EML1: variants seen among roughly 807,000 people sequenced by gnomAD.
The protein encoded by EML1 is echinoderm microtubule-associated protein-like 1.
A neutral mutation model predicts 110.4 loss-of-function variants in EML1; 27 were observed. That is an observed-to-expected ratio of 0.24 (90% CI 0.18 to 0.34). The LOEUF (loss-of-function observed/expected upper bound fraction) is 0.34. EML1 is among the 10% of genes least tolerant of loss of function. The pLI is 1.00. For missense variants in EML1, 741 were observed against 1,030.9 expected (o/e 0.72, Z 3.85); for synonymous variants, 344 against 385.8 (o/e 0.89, Z 1.27).
chr14:99,833,916 C>T (rs2058499248), intron 1 of EML1, among the ~76,000 whole-genome samples: 1 of 152,130 alleles, frequency 6.6e-6, no homozygotes, highest in South Asian at 2.1e-4. Context: ...AGTTGGACAG[C>T]CATGTCATTT....
At chr14:99,759,390 C>G (rs1043286027) in intron 1 of EML1, among the ~76,000 whole-genome samples, 2 of 152,242 alleles carry the variant, frequency 1.3e-5, no homozygotes, top group Non-Finnish European at 2.9e-5. Flanking sequence ...TCTTGTCCAG[C>G]TGCACTCACC....
chr14:99,862,888 C>T (rs1268573346), intron 2 of EML1, among the ~76,000 whole-genome samples: 1 of 152,166 alleles, frequency 6.6e-6, no homozygotes, highest in Non-Finnish European at 1.5e-5. Flanking sequence ...GCTTTAGGCC[C>T]TGTCAGCAGA....
chr14:99,912,932 T>G (rs940688170), intron 13 of EML1, among the ~76,000 whole-genome samples: 4 of 152,234 alleles, frequency 2.6e-5, no homozygotes, highest in South Asian at 2.1e-4. Context: ...GGAGGCTGCT[T>G]CTTTCCTGGA....
At chr14:99,923,791 ATCAGC>A (rs2060181569) in intron 17 of EML1, among the ~76,000 whole-genome samples, 1 of 152,128 alleles carries the variant, frequency 6.6e-6, no homozygotes, top group African/African-American at 2.4e-5. Flanking sequence ...AAATTTTAGG[ATCAGC>A]TTGTCTTTTT....
intron 15 of EML1, among the ~76,000 whole-genome samples, chr14:99,915,760 C>T (rs2060024230): frequency 6.6e-6 from 1 of 152,198 alleles, no homozygotes; most frequent in Non-Finnish European, 1.5e-5. Context: ...TGCAGCGAAT[C>T]GGAAGCTCAT....
chr14:99,815,244 C>A (rs540825371), intron 1 of EML1, among the ~76,000 whole-genome samples: 1 of 149,582 alleles, frequency 6.7e-6, no homozygotes, highest in East Asian at 2.0e-4. Context: ...CGGGTTCACA[C>A]TTTTCTCCTG....
At chr14:99,797,859 A>G (rs2057803526) in intron 1 of EML1, among the ~76,000 whole-genome samples, 1 of 152,230 alleles carries the variant, frequency 6.6e-6, no homozygotes, top group South Asian at 2.1e-4. Flanking sequence ...GCAGATAGAT[A>G]CAGAGCTGGC....
intron 17 of EML1, among the ~76,000 whole-genome samples, chr14:99,922,927 G>A (rs995548238): frequency 1.3e-5 from 2 of 152,042 alleles, no homozygotes; most frequent in African/African-American, 2.4e-5. Flanking sequence ...TTTTCTGAAT[G>A]TATGGCTTAT....
At chr14:99,876,146 GGGAA>G in intron 3 of EML1, among the ~76,000 whole-genome samples, 1 of 150,806 alleles carries the variant, frequency 6.6e-6, no homozygotes, top group South Asian at 2.1e-4. Flanking sequence ...AGACAGAGAG[GGGAA>G]GGAAGGAAGA....
intron 1 of EML1, among the ~76,000 whole-genome samples, chr14:99,831,750 A>G (rs1186635370): frequency 6.6e-6 from 1 of 152,060 alleles, no homozygotes; most frequent in Non-Finnish European, 1.5e-5. Flanking sequence ...GCCTCATTCC[A>G]TGAAGGATTT....
intron 1 of EML1, among the ~76,000 whole-genome samples, chr14:99,811,120 G>A (rs1010745600): frequency 8.1e-5 from 12 of 148,380 alleles, no homozygotes; most frequent in African/African-American, 2.9e-4. Flanking sequence ...GCAGGGGTTA[G>A]GGGGTGCTGA....
intron 1 of EML1, among the ~76,000 whole-genome samples, chr14:99,787,471 G>T (rs1329520145): frequency 6.6e-6 from 1 of 151,806 alleles, no homozygotes; most frequent in Admixed American, 6.6e-5. Context: ...TAGAGATGAG[G>T]TTTCACCATG....
chr14:99,857,354 TATC>T (rs2058921182), intron 2 of EML1, among the ~76,000 whole-genome samples: 1 of 152,210 alleles, frequency 6.6e-6, no homozygotes, highest in Non-Finnish European at 1.5e-5. Flanking sequence ...AATTTCTTAA[TATC>T]ATTTAATAGC....
At chr14:99,758,597 G>A (rs948003665) in intron 1 of EML1, among the ~76,000 whole-genome samples, 4 of 152,172 alleles carry the variant, frequency 2.6e-5, no homozygotes, top group Non-Finnish European at 5.9e-5. Flanking sequence ...CCCCAGGCCT[G>A]CCCAGAGTCA....
In EML1 at chr14:99,939,615, C is replaced by G. The variant is rs1035664618; in HGVS notation, c.2322+288C>G. 6.6e-6 allele frequency among the ~76,000 whole-genome samples: 1 copy of G among 152,188 alleles called. No homozygotes were observed. Among genetic ancestry groups the G allele is most frequent in the Admixed American group, 6.5e-5 (1 of 15,286 alleles). On this transcript the variant is annotated intron_variant, in intron 21 of 21. Coordinates refer to ENST00000262233, the MANE Select transcript of EML1 (RefSeq NM_004434.3). The surrounding 1 kb of genome is among the most constrained non-coding windows in gnomAD (Gnocchi z 4.2). Reference sequence around the variant, plus strand: ...CTTGCTCCGGCCCTGCTCAGCCGCGCCAGCCCTGAGCCCTGGGACGCCCTT... The same window carrying G: ...CTTGCTCCGGCCCTGCTCAGCCGCGGCAGCCCTGAGCCCTGGGACGCCCTT...
Position 99,875,100 on chromosome 14 carries a change from C to T in EML1, c.384-3385C>T. 4 of 902,038 alleles carry T rather than the reference C, an allele frequency of 4.4e-6. No homozygotes were observed. In the Admixed American group the frequency reaches 9.5e-5, roughly 21 times the overall value. 55.9% of individuals were successfully genotyped at this position (902,038 alleles called of 1,614,324 possible). On this transcript the variant is annotated intron_variant, in intron 3 of 21. Transcript: ENST00000262233. ...GTCCAGTGCCTACCATTCATCAAGTCATCAATCATGTAACTATATTAATCA... is the reference window on the plus strand; with the variant it reads ...GTCCAGTGCCTACCATTCATCAAGTTATCAATCATGTAACTATATTAATCA...
chr14:99,770,365 T>TA (rs536107788), upstream of EML1, among the ~76,000 whole-genome samples: 628 of 120,306 alleles, frequency 5.2e-3, 4 homozygotes, highest in African/African-American at 0.02. Context: ...CGTGTCTTTT[T>TA]AAAAAATTTC....
At chr14:99,780,200 T>G (rs867332660) in intron 1 of EML1, among the ~76,000 whole-genome samples, 184 of 152,178 alleles carry the variant, frequency 1.2e-3, no homozygotes, top group African/African-American at 4.3e-3. Context: ...AATTACTTCC[T>G]AAAGGACCCA....
At chr14:99,805,173 C>G (rs1308706379) in intron 1 of EML1, among the ~76,000 whole-genome samples, 1 of 152,218 alleles carries the variant, frequency 6.6e-6, no homozygotes, top group East Asian at 1.9e-4. Flanking sequence ...TGTCTCAGGG[C>G]ATAGCCAGCT....
Sources: allele counts gnomAD v4.1 joint callset (sites outside exome capture counted in the v4.1 genomes callset), GRCh38; gene constraint gnomAD v4.1.1; non-coding constraint Gnocchi (gnomAD v3.1); transcripts MANE v1.5; gene names NCBI Gene and HGNC (gene_info 2026-07-23, HGNC 2026-07-21).